The following OTUD7A variants were observed in gnomAD, a reference collection of about 807,000 sequenced individuals.
OTUD7A encodes the protein OTU domain-containing protein 7A.
In OTUD7A, 12 loss-of-function variants were observed where a neutral mutation model predicts 65.7. The observed-to-expected ratio is 0.18, with a 90% CI of 0.12 to 0.30. The LOEUF is 0.30. Among genes scored for constraint, OTUD7A ranks in the 10% least tolerant of loss-of-function variants. OTUD7A has a pLI of 1.00. For synonymous variants in OTUD7A, 641 were observed against 586.3 expected (o/e 1.09, Z -1.35); for missense variants, 1,148 against 1,304.8 (o/e 0.88, Z 1.85).
chr15:31,673,703 C>T (rs4041935), intron 1 of OTUD7A, among the ~76,000 whole-genome samples: 1 of 152,274 alleles, frequency 6.6e-6, no homozygotes, highest in East Asian at 1.9e-4. Flanking sequence ...CTTTTCCTAT[C>T]GATTCCAATC....
intron 1 of OTUD7A, among the ~76,000 whole-genome samples, chr15:31,848,797 C>CA (rs1897349936): frequency 6.6e-6 from 1 of 152,254 alleles, no homozygotes; most frequent in Non-Finnish European, 1.5e-5. Flanking sequence ...ATTGCTCCAA[C>CA]AGTAGCTCAG....
Position 31,483,159 on chromosome 15 carries a change from G to T in OTUD7A, c.*135C>A. On this transcript the variant is annotated 3_prime_UTR_variant, in exon 13 of 13. Transcript: ENST00000307050. ...GGTTCAGGCACCATTAGGAACGTTT[G>T]ACCAAACACGTACACGGCACTGACA... 1.1e-6 allele frequency: 1 copy of T among 870,490 alleles called. No homozygotes were observed. The highest frequency in any genetic ancestry group is 1.4e-6 in the Non-Finnish European group (1 of 716,726). 53.9% of individuals were successfully genotyped at this position (870,490 alleles called of 1,614,324 possible). A position where few individuals can be genotyped will look rare whatever the true frequency, so the allele number is the denominator to read the frequency against.
chr15:31,769,607 C>A (rs1413456551), intron 1 of OTUD7A, among the ~76,000 whole-genome samples: 1 of 152,192 alleles, frequency 6.6e-6, no homozygotes, highest in Non-Finnish European at 1.5e-5. Flanking sequence ...GGTGCATCCA[C>A]ACAATGACAT....
intron 1 of OTUD7A, among the ~76,000 whole-genome samples, chr15:31,691,003 C>T (rs1271757036): frequency 2.0e-5 from 3 of 152,020 alleles, no homozygotes; most frequent in African/African-American, 7.2e-5. Flanking sequence ...AGGCAACCAA[C>T]AGAATGACAG....
In OTUD7A at chr15:31,751,288, A is replaced by G. The variant is rs547810385; in HGVS notation, c.-99-94211T>C. On this transcript the variant is annotated intron_variant, in intron 1 of 12. Transcript: ENST00000307050. The stretch of plus-strand genomic sequence containing the variant: ...AGAGACACTTCTCAAAAAGAGACAT[A>G]TGAGTGGCCAACAAACATATGAAAA... Among the ~76,000 whole-genome samples, 20 of 150,400 alleles carry G rather than the reference A, an allele frequency of 1.3e-4. No individual in the cohort carries two copies. In the South Asian group the frequency reaches 4.1e-3, roughly 31 times the overall value.
intron 3 of OTUD7A, among the ~76,000 whole-genome samples, chr15:31,587,379 T>C (rs1889575553): frequency 6.6e-6 from 1 of 152,058 alleles, no homozygotes; most frequent in Admixed American, 6.6e-5. Context: ...GGCTCACGCC[T>C]GTAATCCCAG....
rs1187807551 is a variant in OTUD7A, at chr15:31,477,296, G to A, written c.*5998C>T. 6.6e-6 allele frequency: 1 copy of A among 152,298 alleles called. No individual in the cohort carries two copies. Among genetic ancestry groups the A allele is most frequent in the Non-Finnish European group, 1.5e-5 (1 of 68,096 alleles). The allele number at this position is 152,298 out of a possible 1,614,324, so 9.4% of individuals were successfully genotyped here. ...TGGGAAGGACTGGGAGACACCTAAA[G>A]ACTGATTACAAAGGATTCTCTGGAA... On this transcript the variant is annotated 3_prime_UTR_variant, in exon 13 of 13. Transcript: ENST00000307050.
chr15:31,732,545 T>G (rs1247392453), intron 1 of OTUD7A, among the ~76,000 whole-genome samples: 2 of 152,202 alleles, frequency 1.3e-5, no homozygotes, highest in African/African-American at 2.4e-5. Flanking sequence ...CTAAAACAAC[T>G]AAAAAGTTGG....
At chr15:31,733,047 A>G (rs1894089877) in intron 1 of OTUD7A, among the ~76,000 whole-genome samples, 1 of 152,220 alleles carries the variant, frequency 6.6e-6, no homozygotes, top group African/African-American at 2.4e-5. Flanking sequence ...AAAGCTCTTT[A>G]ACAGCATCTT....
intron 1 of OTUD7A, among the ~76,000 whole-genome samples, chr15:31,757,649 A>C (rs1894852893): frequency 6.6e-6 from 1 of 152,176 alleles, no homozygotes; most frequent in Non-Finnish European, 1.5e-5. Flanking sequence ...GGCCCTAAGG[A>C]GACAAAATCT....
intron 1 of OTUD7A, among the ~76,000 whole-genome samples, chr15:31,681,338 C>T (rs1332950230): frequency 1.3e-5 from 2 of 152,196 alleles, no homozygotes; most frequent in Admixed American, 1.3e-4. Context: ...CAGCCACCCA[C>T]CTATGCATGT....
intron 1 of OTUD7A, among the ~76,000 whole-genome samples, chr15:31,770,705 A>C (rs1352341920): frequency 2.0e-5 from 3 of 152,244 alleles, no homozygotes; most frequent in Admixed American, 2.0e-4. Flanking sequence ...AAAAAGATAC[A>C]CCATGACCAA....
chr15:31,748,420 T>C (rs1248935576), intron 1 of OTUD7A, among the ~76,000 whole-genome samples: 1 of 151,206 alleles, frequency 6.6e-6, no homozygotes, highest in East Asian at 1.9e-4. Flanking sequence ...ATTTTATATA[T>C]ATGACACACC....
chr15:31,845,391 T>C (rs1454346246), intron 1 of OTUD7A, among the ~76,000 whole-genome samples: 1 of 152,142 alleles, frequency 6.6e-6, no homozygotes, highest in Admixed American at 6.5e-5. Context: ...TTCAAGTAGG[T>C]AGGGTGCACA....
chr15:31,844,651 T>C (rs1897257967), intron 1 of OTUD7A, among the ~76,000 whole-genome samples: 2 of 152,220 alleles, frequency 1.3e-5, no homozygotes, highest in African/African-American at 4.8e-5. Context: ...CCAGAACTCC[T>C]GATTCCATAG....
intron 1 of OTUD7A, among the ~76,000 whole-genome samples, chr15:31,852,100 G>A (rs917239479): frequency 7.9e-5 from 12 of 152,102 alleles, no homozygotes; most frequent in East Asian, 7.7e-4. Context: ...CTCATGATCC[G>A]CCCTCCTTGG....
intron 1 of OTUD7A, among the ~76,000 whole-genome samples, chr15:31,841,320 C>T (rs1018616689): frequency 6.6e-6 from 1 of 152,176 alleles, no homozygotes; most frequent in Non-Finnish European, 1.5e-5. Context: ...CTGGGTCAAA[C>T]CATGAACTGC....
chr15:31,553,776 C>A (rs1160106557), intron 5 of OTUD7A, among the ~76,000 whole-genome samples: 1 of 152,030 alleles, frequency 6.6e-6, no homozygotes, highest in Admixed American at 6.5e-5. Context: ...CACTACCACC[C>A]CCACGACCCT....
intron 3 of OTUD7A, among the ~76,000 whole-genome samples, chr15:31,632,218 C>T (rs529658307): frequency 6.6e-6 from 1 of 152,106 alleles, no homozygotes; most frequent in Admixed American, 6.5e-5. Flanking sequence ...ATCTTTGTGG[C>T]TTTATCTACT....
Sources: allele counts gnomAD v4.1 joint callset (sites outside exome capture counted in the v4.1 genomes callset), GRCh38; gene constraint gnomAD v4.1.1; transcripts MANE v1.5; gene names NCBI Gene and HGNC (gene_info 2026-07-23, HGNC 2026-07-21).